The following MLIP variants were observed in gnomAD, a reference collection of about 807,000 sequenced individuals.
The protein encoded by MLIP is muscular LMNA interacting protein, also known as muscular LMNA-interacting protein.
A neutral mutation model predicts 84.8 loss-of-function variants in MLIP; 79 were observed. The observed-to-expected ratio is 0.93, with a 90% confidence interval of 0.78 to 1.12. The LOEUF is 1.12. Ranked by LOEUF, MLIP falls within the 50% of genes most tolerant of loss-of-function variation. MLIP has a pLI of 0.00. For missense variants in MLIP, 1,257 were observed against 1,160.6 expected, an observed-to-expected ratio of 1.08 and a Z score of -1.21; for synonymous variants, 504 against 463.0, an observed-to-expected ratio of 1.09 and a Z score of -1.14.
At chr6:54,218,903 TAAAC>T (rs1780026210) in intron 11 of MLIP, among the ~76,000 whole-genome samples, 1 of 151,018 alleles carries the variant, frequency 6.6e-6, no homozygotes, top group Non-Finnish European at 1.5e-5. Context: ...ACTCTTATAA[TAAAC>T]AAAATGCAAA....
intron 1 of MLIP, among the ~76,000 whole-genome samples, chr6:54,036,840 G>A (rs914999992): frequency 2.0e-5 from 3 of 152,104 alleles, no homozygotes; most frequent in South Asian, 2.1e-4. Context: ...TTCCAGGCTG[G>A]CTGTGGCATG....
chr6:54,100,995 A>AAT (rs1252232408), intron 1 of MLIP, among the ~76,000 whole-genome samples: 1 of 152,106 alleles, frequency 6.6e-6, no homozygotes, highest in African/African-American at 2.4e-5. Context: ...ATCTTTTACA[A>AAT]ATATATATGT....
chr6:54,228,180 CAAAAAAAAAAAAAAAAAAA>C (rs869112313), intron 11 of MLIP, among the ~76,000 whole-genome samples: 6 of 75,814 alleles, frequency 7.9e-5, no homozygotes, highest in East Asian at 3.7e-4. Flanking sequence ...GAGACTGTCT[CAAAAAAAAAAAAAAAAAAA>C]AAAAAAAAAA....
At chr6:54,022,447 T>C (rs1183241459) in intron 1 of MLIP, among the ~76,000 whole-genome samples, 1 of 152,218 alleles carries the variant, frequency 6.6e-6, no homozygotes, top group African/African-American at 2.4e-5. Flanking sequence ...TGAGTTGCAT[T>C]TTTGGAATAA....
intron 1 of MLIP, among the ~76,000 whole-genome samples, chr6:54,101,894 G>A (rs868781182): frequency 6.6e-6 from 1 of 152,074 alleles, no homozygotes; most frequent in Non-Finnish European, 1.5e-5. Context: ...TGAACAGTGG[G>A]AAACTCAGCC....
At chr6:54,103,209 T>G (rs971028196) in intron 1 of MLIP, among the ~76,000 whole-genome samples, 4 of 152,074 alleles carry the variant, frequency 2.6e-5, no homozygotes, top group Non-Finnish European at 5.9e-5. Context: ...TTTCTAAGTA[T>G]GAGAAGAAGG....
intron 1 of MLIP, among the ~76,000 whole-genome samples, chr6:54,090,179 G>A (rs1251038836): frequency 2.0e-5 from 3 of 152,012 alleles, no homozygotes; most frequent in Non-Finnish European, 4.4e-5. Context: ...AGCATCAGAG[G>A]GAATTTGATG....
upstream of MLIP, among the ~76,000 whole-genome samples, chr6:54,110,139 C>A (rs1271854246): frequency 2.0e-5 from 3 of 151,656 alleles, no homozygotes; most frequent in Admixed American, 1.3e-4. Context: ...CCCGCCACAA[C>A]GCCCGGCTAA....
chr6:54,154,172 A>G (rs1773772871), intron 5 of MLIP, among the ~76,000 whole-genome samples: 1 of 152,186 alleles, frequency 6.6e-6, no homozygotes, highest in South Asian at 2.1e-4. Flanking sequence ...ATGTTCATTA[A>G]ATAAATAAGT....
chr6:54,173,205 A>C (rs893065162), intron 9 of MLIP, among the ~76,000 whole-genome samples: 1 of 151,790 alleles, frequency 6.6e-6, no homozygotes. Flanking sequence ...CTCAGAAATC[A>C]CAGAGCAGGC....
intron 1 of MLIP, among the ~76,000 whole-genome samples, chr6:54,089,821 T>C (rs1767742012): frequency 6.6e-6 from 1 of 152,172 alleles, no homozygotes; most frequent in African/African-American, 2.4e-5. Context: ...TTCAAAACTA[T>C]GGTACTATAA....
chr6:54,052,295 T>C (rs554274374), intron 1 of MLIP, among the ~76,000 whole-genome samples: 1 of 152,260 alleles, frequency 6.6e-6, no homozygotes, highest in Admixed American at 6.5e-5. Context: ...CCAGGACCAA[T>C]GGCATCAGGA....
chr6:54,185,306 A>G (rs888191889), intron 9 of MLIP, among the ~76,000 whole-genome samples: 1 of 152,210 alleles, frequency 6.6e-6, no homozygotes, highest in African/African-American at 2.4e-5. Context: ...TAATAGTATT[A>G]TGCATATCCA....
chr6:54,104,168 T>C (rs1768847519), intron 1 of MLIP, among the ~76,000 whole-genome samples: 2 of 152,134 alleles, frequency 1.3e-5, no homozygotes, highest in African/African-American at 4.8e-5. Context: ...ATCAAAAGCA[T>C]GGAATAGGAT....
chr6:54,172,299 G>T (rs1173799480), intron 9 of MLIP, among the ~76,000 whole-genome samples: 1 of 151,590 alleles, frequency 6.6e-6, no homozygotes, highest in East Asian at 1.9e-4. Context: ...TATGGATCAA[G>T]ACTATACTAG....
chr6:54,024,805 AT>A (rs1763705387), intron 1 of MLIP, among the ~76,000 whole-genome samples: 1 of 152,124 alleles, frequency 6.6e-6, no homozygotes, highest in South Asian at 2.1e-4. Context: ...ATTGTAAAGC[AT>A]TTTATGCTGT....
At chr6:54,035,443 T>G in intron 1 of MLIP, among the ~76,000 whole-genome samples, 1 of 152,178 alleles carries the variant, frequency 6.6e-6, no homozygotes, top group East Asian at 1.9e-4. Context: ...TATATTTCTG[T>G]GTAAAAATGG....
chr6:54,198,297 G>A (rs1316751601), intron 10 of MLIP, among the ~76,000 whole-genome samples: 1 of 152,134 alleles, frequency 6.6e-6, no homozygotes, highest in Non-Finnish European at 1.5e-5. Context: ...CAAAGTGCTA[G>A]CAGACAATGT....
chr6:54,075,320 AATTTTT>A (rs1766738369), intron 1 of MLIP, among the ~76,000 whole-genome samples: 1 of 151,030 alleles, frequency 6.6e-6, no homozygotes, highest in Admixed American at 6.6e-5. Flanking sequence ...CTTCTTACTG[AATTTTT>A]ATTCAAGGTA....
Sources: gnomAD v4.1 joint callset for allele counts (sites outside exome capture counted in the v4.1 genomes callset) on GRCh38, gnomAD v4.1.1 for gene constraint, MANE v1.5 for transcripts, NCBI Gene and HGNC (gene_info 2026-07-23, HGNC 2026-07-21) for gene names.